PCDHA11: variants seen among roughly 807,000 people sequenced by gnomAD.
PCDHA11 encodes the protein protocadherin alpha 11, also known as protocadherin alpha-11.
In PCDHA11, 61 loss-of-function variants were observed where a neutral mutation model predicts 70.3. That is an observed-to-expected ratio of 0.87 (90% CI 0.71 to 1.07). The LOEUF is 1.07. Ranked by LOEUF, PCDHA11 falls within the 50% of genes least tolerant of loss-of-function variation. The pLI, the probability that PCDHA11 is intolerant of heterozygous loss-of-function variation, is 0.00. For missense variants in PCDHA11, 1,324 were observed against 1,237.5 expected (o/e 1.07, Z -1.05); for synonymous variants, 633 against 555.1 (o/e 1.14, Z -1.97).
At chr5:140,956,181 T>C (rs1351584707) in intron 1 of PCDHA11, among the ~76,000 whole-genome samples, 1 of 152,212 alleles carries the variant, frequency 6.6e-6, no homozygotes, top group South Asian at 2.1e-4. Flanking sequence ...CTTCCAATAC[T>C]ATGCTGAATA....
chr5:140,982,357 A>G, intron 2 of PCDHA11, 118 bp from the exon 3 acceptor site: 1 of 1,520,660 alleles, frequency 6.6e-7, no homozygotes. Flanking sequence ...TTCAAGCATG[A>G]GCAGAATGTG....
At chr5:140,943,893 A>AT (rs1364551909) in intron 1 of PCDHA11, among the ~76,000 whole-genome samples, 3 of 152,226 alleles carry the variant, frequency 2.0e-5, no homozygotes, top group Non-Finnish European at 4.4e-5. Flanking sequence ...ACTGGTCATT[A>AT]TGATGTCATG....
At chr5:140,968,310 G>T (rs2096237719) in intron 1 of PCDHA11, 4 of 1,613,920 alleles carry the variant, frequency 2.5e-6, no homozygotes, top group Non-Finnish European at 3.4e-6. Flanking sequence ...GAGATTCAAG[G>T]GCTGCCAGTC....
intron 1 of PCDHA11, among the ~76,000 whole-genome samples, chr5:140,909,761 TC>T (rs1308608657): frequency 1.3e-5 from 2 of 152,052 alleles, no homozygotes; most frequent in Admixed American, 6.5e-5. Context: ...ACAGGATGAG[TC>T]CAGGGACCCA....
intron 1 of PCDHA11, among the ~76,000 whole-genome samples, chr5:140,897,278 A>C (rs993702418): frequency 1.1e-4 from 16 of 151,088 alleles, no homozygotes; most frequent in Non-Finnish European, 1.8e-4. Context: ...GGTGTGCTGC[A>C]CCCATTAACT....
In PCDHA11 at chr5:140,884,801, A is replaced by AT. The variant is rs2060359948; in HGVS notation, c.2391+13307_2391+13308insT. 5 of 1,250,206 alleles carry AT rather than the reference A, an allele frequency of 4.0e-6. No individual in the cohort carries two copies. In the South Asian group the frequency reaches 8.8e-5, roughly 22 times the overall value. 77.4% of individuals were successfully genotyped at this position (1,250,206 alleles called of 1,614,324 possible). A position where few individuals can be genotyped will look rare whatever the true frequency, so the allele number is the denominator to read the frequency against. On this transcript the variant is annotated intron_variant, in intron 1 of 3. Coordinates refer to ENST00000398640, the MANE Select transcript of PCDHA11 (RefSeq NM_018902.5). ...TTTGCTAGTTGTTATCGAATTTAACAACTCTGCTGTGGACATTATGTGTTG... is the reference window on the plus strand; with the variant it reads ...TTTGCTAGTTGTTATCGAATTTAACATACTCTGCTGTGGACATTATGTGTTG...
At chr5:140,884,115 T>C (rs782303871) in intron 1 of PCDHA11, 2 of 1,613,170 alleles carry the variant, frequency 1.2e-6, no homozygotes, top group African/African-American at 2.7e-5. Context: ...CTGGCGGCGG[T>C]CGGCGCGCGC....
In PCDHA11 at chr5:141,010,294, C is replaced by T. The variant is rs545906858; in HGVS notation, c.*357C>T. ...TCCTGTCTTGATGACACTTGCAGGG[C>T]AGGCTGAAAAGTTTTGAGATTGAGC... On this transcript the variant is annotated 3_prime_UTR_variant, in exon 4 of 4. Coordinates refer to ENST00000398640, the MANE Select transcript of PCDHA11 (RefSeq NM_018902.5). 3.2e-6 allele frequency: 5 copies of T among 1,549,782 alleles called. No homozygotes were observed. Among genetic ancestry groups the T allele is most frequent in the Non-Finnish European group, 4.4e-6 (5 of 1,146,446 alleles).
At chr5:140,956,666 G>C (rs1232573740) in intron 1 of PCDHA11, among the ~76,000 whole-genome samples, 2 of 152,088 alleles carry the variant, frequency 1.3e-5, no homozygotes, top group African/African-American at 4.8e-5. Context: ...GGCCTTAAAG[G>C]AGTTAGGGAG....
intron 1 of PCDHA11, among the ~76,000 whole-genome samples, chr5:140,959,609 T>A (rs2095500700): frequency 6.6e-6 from 1 of 152,184 alleles, no homozygotes; most frequent in South Asian, 2.1e-4. Flanking sequence ...ATGCTTTTCT[T>A]GCTTGTGATA....
intron 1 of PCDHA11, among the ~76,000 whole-genome samples, chr5:140,900,615 T>C (rs1554189289): frequency 1.3e-5 from 2 of 152,336 alleles, no homozygotes; most frequent in East Asian, 3.9e-4. Context: ...GACATGTAGA[T>C]TGCTTCCAAA....
chr5:140,877,306 C>G (rs1554169576), intron 1 of PCDHA11: 1 of 1,613,826 alleles, frequency 6.2e-7, no homozygotes, highest in African/African-American at 1.3e-5. Context: ...CTACGAGTTG[C>G]AACCGGCGGC....
At chr5:140,908,578 GTAGT>G (rs1554193408) in intron 1 of PCDHA11, among the ~76,000 whole-genome samples, 1 of 152,196 alleles carries the variant, frequency 6.6e-6, no homozygotes, top group African/African-American at 2.4e-5. Flanking sequence ...CAAAAGGAGA[GTAGT>G]TAGCTGCAGA....
At chr5:140,921,988 A>G (rs1182214376) in intron 1 of PCDHA11, among the ~76,000 whole-genome samples, 1 of 152,132 alleles carries the variant, frequency 6.6e-6, no homozygotes, top group Non-Finnish European at 1.5e-5. Flanking sequence ...ACTAAAAAAG[A>G]GTTCAATGAA....
At chr5:140,875,430 C>G in intron 1 of PCDHA11, 1 of 1,557,170 alleles carries the variant, frequency 6.4e-7, no homozygotes. Context: ...CAAGCGATCC[C>G]TTAAAACTGA....
chr5:141,005,626 C>T (rs554956978), intron 3 of PCDHA11, among the ~76,000 whole-genome samples: 5 of 136,646 alleles, frequency 3.7e-5, no homozygotes, highest in South Asian at 4.9e-4. Context: ...GGCGTGAACC[C>T]GGGAGGCGGA....
intron 1 of PCDHA11, among the ~76,000 whole-genome samples, chr5:140,880,163 AGAAGTTAAACAT>A (rs2058253523): frequency 6.6e-6 from 1 of 152,260 alleles, no homozygotes; most frequent in Admixed American, 6.5e-5. Flanking sequence ...AGTATATGTT[AGAAGTTAAACAT>A]GAAGGGAAAA....
rs535720832 is a variant in PCDHA11 at position 140,876,757 on chromosome 5, G to A, written c.2391+5263G>A. On this transcript the variant is annotated intron_variant, in intron 1 of 3. Transcript: ENST00000398640. ...CTATGAGCTGGTGGTGACTGCGCGG[G>A]ATGGGGGCTCGCCTTCGCTGTGGGC... 85 of 1,614,274 alleles carry A rather than the reference G, an allele frequency of 5.3e-5. No individual in the cohort carries two copies. The South Asian group carries it at 8.8e-4, about 17-fold the overall frequency.
intron 1 of PCDHA11, among the ~76,000 whole-genome samples, chr5:140,970,254 T>C (rs1315934666): frequency 1.3e-5 from 2 of 152,238 alleles, no homozygotes; most frequent in African/African-American, 4.8e-5. Context: ...TGACAGTTTC[T>C]ATGGTTTTGA....
Sources: allele counts gnomAD v4.1 joint callset (sites outside exome capture counted in the v4.1 genomes callset), GRCh38; gene constraint gnomAD v4.1.1; transcripts MANE v1.5; gene names NCBI Gene and HGNC (gene_info 2026-07-23, HGNC 2026-07-21).